KAZN: variants seen among roughly 807,000 people sequenced by gnomAD.
KAZN encodes kazrin.
A neutral mutation model predicts 87.4 loss-of-function variants in KAZN; 40 were observed. That is an observed-to-expected ratio of 0.46 (90% confidence interval 0.36 to 0.60). KAZN has a LOEUF of 0.60. Among genes scored for constraint, KAZN ranks in the 20% least tolerant of loss-of-function variants. KAZN has a pLI of 0.00. For synonymous variants in KAZN, 466 were observed against 458.3 expected (o/e 1.02, Z -0.22); for missense variants, 898 against 1,073.9 (o/e 0.84, Z 2.29).
intron 1 of KAZN, among the ~76,000 whole-genome samples, chr1:13,951,626 A>G (rs557860517): frequency 0.05 from 46 of 918 alleles, no homozygotes; most frequent in Admixed American, 0.08. Context: ...AAATGGAGAT[A>G]ATAATAATAA....
chr1:14,536,569 A>G (rs1295503325), intron 2 of KAZN, among the ~76,000 whole-genome samples: 2 of 152,178 alleles, frequency 1.3e-5, no homozygotes, highest in Admixed American at 1.3e-4. Flanking sequence ...AGGGAAGAAC[A>G]TCAATTGGCC....
At position 14,177,237 on chromosome 1, in the gene KAZN, T is replaced by C. The variant is rs191063434; in HGVS notation, c.92-3198T>C. 3.7e-3 allele frequency among the ~76,000 whole-genome samples: 565 copies of C among 152,340 alleles called. 7 individuals carry two copies. The highest frequency in any genetic ancestry group is 0.013 in the African/African-American group (529 of 41,580). The stretch of plus-strand genomic sequence containing the variant: ...TGTCATATATTTTACTCTATGTAAG[T>C]TATCAACCCCACAGGATATTATTAT... On this transcript the variant is annotated intron_variant, in intron 1 of 16. Coordinates refer to the KAZN transcript ENST00000636203.
Position 14,996,160 on chromosome 1 carries a change from G to C in KAZN, c.418+35285G>C, listed in dbSNP as rs1446015803. ...ATTTTCTCACCGCAGAACTCACTGG[G>C]CCTTCTGGGTCTTGGCTCTTCATGC... On this transcript the variant is annotated intron_variant, in intron 2 of 14. Coordinates refer to ENST00000376030, the MANE Select transcript of KAZN (RefSeq NM_201628.3). The surrounding 1 kb of genome is among the most constrained non-coding windows in gnomAD (Gnocchi z 5.9). 6.6e-6 allele frequency among the ~76,000 whole-genome samples: 1 copy of C among 152,134 alleles called. No homozygotes were observed. The highest frequency in any genetic ancestry group is 1.5e-5 in the Non-Finnish European group (1 of 68,034).
At chr1:14,246,072 A>G (rs1649473569) in intron 2 of KAZN, among the ~76,000 whole-genome samples, 1 of 152,228 alleles carries the variant, frequency 6.6e-6, no homozygotes, top group African/African-American at 2.4e-5. Flanking sequence ...AAGCAAAGTA[A>G]TGCAGGAACC....
intron 1 of KAZN, among the ~76,000 whole-genome samples, chr1:14,730,889 C>T (rs540624063): frequency 6.6e-6 from 1 of 152,244 alleles, no homozygotes; most frequent in East Asian, 1.9e-4. Flanking sequence ...TGGTGGCCCT[C>T]CCTCTTGTGC....
At chr1:14,845,211 A>T (rs1572632641) in intron 1 of KAZN, among the ~76,000 whole-genome samples, 1 of 132,066 alleles carries the variant, frequency 7.6e-6, no homozygotes, top group Admixed American at 7.6e-5. Flanking sequence ...GAGTGAGTGG[A>T]TGGGTGGGTG....
At chr1:14,555,152 C>T (rs907152479) in intron 2 of KAZN, among the ~76,000 whole-genome samples, 3 of 152,188 alleles carry the variant, frequency 2.0e-5, no homozygotes, top group Admixed American at 6.5e-5. Context: ...GTCCCCCTTC[C>T]AAATAGCAAT....
intron 1 of KAZN, among the ~76,000 whole-genome samples, chr1:13,927,520 C>A (rs900390973): frequency 6.6e-6 from 1 of 152,176 alleles, no homozygotes; most frequent in African/African-American, 2.4e-5. Flanking sequence ...GTGTCCCAGG[C>A]AGACCTATGT....
intron 1 of KAZN, among the ~76,000 whole-genome samples, chr1:14,783,654 G>A (rs1408707053): frequency 6.6e-6 from 1 of 152,188 alleles, no homozygotes; most frequent in Non-Finnish European, 1.5e-5. Context: ...TGGGTATGGA[G>A]GGAAGAGCAC....
chr1:14,093,327 C>T (rs1644051296), intron 1 of KAZN, among the ~76,000 whole-genome samples: 1 of 152,146 alleles, frequency 6.6e-6, no homozygotes, highest in Non-Finnish European at 1.5e-5. Context: ...ACCACCAACC[C>T]CTGTGCTATC....
At position 15,094,693 on chromosome 1, in the gene KAZN, C is replaced by T; in HGVS notation, c.1429-122C>T. ...TGCAGAGGTTTCCATGTGCCCTGAC[C>T]CCACTGTATGAAAGGTGGGCAGGAG... On this transcript the variant is annotated intron_variant, in intron 9 of 14. Transcript: ENST00000376030. The surrounding 1 kb of genome is among the most constrained non-coding windows in gnomAD (Gnocchi z 4.5). 1.4e-6 allele frequency: 1 copy of T among 711,410 alleles called. No individual in the cohort carries two copies. The allele number at this position is 711,410 out of a possible 1,614,324, so 44.1% of individuals were successfully genotyped here.
intron 4 of KAZN, among the ~76,000 whole-genome samples, chr1:15,049,418 C>T (rs1207327038): frequency 6.6e-6 from 1 of 152,212 alleles, no homozygotes; most frequent in Non-Finnish European, 1.5e-5. Flanking sequence ...GCCCTGTGCT[C>T]TGTAGGGTGT....
At position 14,626,152 on chromosome 1, in the gene KAZN, G is replaced by A. The variant is rs565441956; in HGVS notation, c.226+26929G>A. ...TGAGCCCTGCTGAGAGTTTGCAAGC[G>A]TCATTAGAGGCCTTTTATTCTGTCC... On this transcript the variant is annotated intron_variant, in intron 1 of 14. Transcript: ENST00000376030. Among the ~76,000 whole-genome samples the A allele has an allele frequency of 4.1e-4, 62 of 152,298 alleles. No individual in the cohort carries two copies. The South Asian group carries it at 0.012, about 30-fold the overall frequency.
chr1:15,095,284 C>G (rs1640757023), intron 10 of KAZN, among the ~76,000 whole-genome samples: 1 of 152,076 alleles, frequency 6.6e-6, no homozygotes, highest in Non-Finnish European at 1.5e-5. Flanking sequence ...GGTGTCTGCT[C>G]CTGGTTCTTA....
chr1:15,007,686 C>T (rs566052354), intron 2 of KAZN, among the ~76,000 whole-genome samples: 18 of 152,296 alleles, frequency 1.2e-4, no homozygotes, highest in East Asian at 3.9e-4. Context: ...CTCACCTGCC[C>T]GCCTCCATAA....
intron 1 of KAZN, among the ~76,000 whole-genome samples, chr1:14,022,742 C>CT (rs1284178131): frequency 6.6e-6 from 1 of 151,970 alleles, no homozygotes; most frequent in Non-Finnish European, 1.5e-5. Context: ...CCATCATGAC[C>CT]TTTTTTCTTC....
intron 2 of KAZN, among the ~76,000 whole-genome samples, chr1:14,532,335 A>G (rs1672249945): frequency 6.6e-6 from 1 of 152,150 alleles, no homozygotes; most frequent in Non-Finnish European, 1.5e-5. Context: ...TGACTCAGAC[A>G]GGCATTGGAG....
intron 1 of KAZN, among the ~76,000 whole-genome samples, chr1:14,148,173 T>C (rs12084744): frequency 0.043 from 6,606 of 152,122 alleles, 258 homozygotes; most frequent in Admixed American, 0.11. Context: ...CACTCCAGCC[T>C]GGGCAACAAA....
chr1:13,905,062 T>G (rs1028133084), intron 1 of KAZN, among the ~76,000 whole-genome samples: 1 of 152,234 alleles, frequency 6.6e-6, no homozygotes, highest in African/African-American at 2.4e-5. Flanking sequence ...GAATGTCTTT[T>G]TTTAACCTCT....
Sources: allele counts gnomAD v4.1 joint callset (sites outside exome capture counted in the v4.1 genomes callset), GRCh38; gene constraint gnomAD v4.1.1; non-coding constraint Gnocchi (gnomAD v3.1); transcripts MANE v1.5; gene names NCBI Gene and HGNC (gene_info 2026-07-23, HGNC 2026-07-21).